Variants in HDAC3 observed in about 807,000 individuals in gnomAD.
HDAC3 encodes histone deacetylase 3.
In HDAC3, 21 loss-of-function variants were observed where a neutral mutation model predicts 62.3. That is an observed-to-expected ratio of 0.34 (90% CI 0.24 to 0.49). HDAC3 has a LOEUF of 0.49. Ranked by LOEUF, HDAC3 falls within the 20% of genes least tolerant of loss-of-function variation. The pLI is 0.99. For missense variants in HDAC3, 270 were observed against 556.9 expected (o/e 0.48, Z 5.19); for synonymous variants, 198 against 206.5 (o/e 0.96, Z 0.35).
intron 3 of HDAC3, among the ~76,000 whole-genome samples, chr5:141,632,862 A>G (rs2099905423): frequency 6.6e-6 from 1 of 152,166 alleles, no homozygotes; most frequent in Non-Finnish European, 1.5e-5. Flanking sequence ...AAAGGTGCCA[A>G]TGCCAGCCTA....
chr5:141,634,292 A>T (rs2099905662), intron 3 of HDAC3, among the ~76,000 whole-genome samples: 1 of 151,984 alleles, frequency 6.6e-6, no homozygotes, highest in Admixed American at 6.6e-5. Flanking sequence ...GCCTCAATTC[A>T]GTTCACCTCC....
rs538001058 is a variant in HDAC3, at chr5:141,636,831, G to A, written c.-41C>T. Reference sequence around the variant, plus strand: ...AGGCCCCGCACCTCCGCCGCCCGCCGCCCGCGGCCGCCGCCAGCCCCTCCC... The same window carrying A: ...AGGCCCCGCACCTCCGCCGCCCGCCACCCGCGGCCGCCGCCAGCCCCTCCC... On this transcript the variant is annotated 5_prime_UTR_variant, in exon 1 of 15. Transcript: ENST00000305264. The A allele has an allele frequency of 2.0e-4, 286 of 1,438,420 alleles. 6 individuals carry two copies. The South Asian group carries it at 4.2e-3, about 21-fold the overall frequency. 89.1% of individuals were successfully genotyped at this position (1,438,420 alleles called of 1,614,324 possible).
Position 141,629,631 on chromosome 5 carries a change from C to T in HDAC3, c.476+53G>A. On this transcript the variant is annotated intron_variant, in intron 6 of 14. Transcript: ENST00000305264. The surrounding 1 kb of genome is among the most constrained non-coding windows in gnomAD (Gnocchi z 5.3). ...CAAGGTCAGGGTTGAGACTGAGAGA[C>T]CTCCTCAGCCAAGAATCCCGTAACT... 1 of 1,556,196 alleles carries T rather than the reference C, an allele frequency of 6.4e-7. No homozygotes were observed. Among genetic ancestry groups the T allele is most frequent in the South Asian group, 1.1e-5 (1 of 89,856 alleles).
chr5:141,628,276 A>T lies in HDAC3; in HGVS notation c.692-89T>A, dbSNP rs1458909499. 1 of 1,118,280 alleles carries T rather than the reference A, an allele frequency of 8.9e-7. No individual in the cohort carries two copies. The highest frequency in any genetic ancestry group is 1.3e-6 in the Non-Finnish European group (1 of 743,388). The allele number at this position is 1,118,280 out of a possible 1,614,324, so 69.3% of individuals were successfully genotyped here. On this transcript the variant is annotated intron_variant, in intron 8 of 14. Transcript: ENST00000305264. This position sits in a 1 kb window ranked among gnomAD's most constrained non-coding sequence, Gnocchi z 4.7. ...GAAAAAGGGGGTTGAGCGAGCATGT[A>T]GCCCAGGAAAGGGGCCACCCAAAAG...
chr5:141,634,105 A>T (rs1272661381), intron 3 of HDAC3, among the ~76,000 whole-genome samples: 1 of 152,158 alleles, frequency 6.6e-6, no homozygotes, highest in African/African-American at 2.4e-5. Context: ...TACAAGCTCA[A>T]TGTAAACCTA....
At position 141,634,892 on chromosome 5, in the gene HDAC3, A is replaced by G. The variant is rs377766171; in HGVS notation, c.200T>C (p.Ile67Thr). Residue 67 changes from isoleucine to threonine, a missense_variant, in exon 3 of 15, where the codon ATT becomes ACT. Physicochemically the swap from Ile to Thr is moderately conservative, Grantham distance 89 (BLOSUM62 -1). This residue lies in a region of HDAC3 where 32 missense variants were observed against 37.4 expected (regional missense o/e 0.86). Coordinates refer to ENST00000305264, the MANE Select transcript of HDAC3 (RefSeq NM_003883.4). ...DMCRFHSEDY[I>T]DFLQRVSPTN... ...GGGGCTGACTCTCTGCAGGAAGTCA[A>G]TGTAGTCCTCGGAGTGGAAGCGGCA... 1.2e-6 allele frequency: 2 copies of G among 1,614,006 alleles called. No homozygotes were observed. Among genetic ancestry groups the G allele is most frequent in the African/African-American group, 1.3e-5 (1 of 74,916 alleles).
At position 141,636,843 on chromosome 5, in the gene HDAC3, C is replaced by A. The variant is rs1389040647; in HGVS notation, c.-53G>T. The A allele has an allele frequency of 3.6e-6, 5 of 1,381,640 alleles. No homozygotes were observed. The highest frequency in any genetic ancestry group is 6.9e-5 in the Admixed American group (2 of 28,938). 85.6% of individuals were successfully genotyped at this position (1,381,640 alleles called of 1,614,324 possible). ...TCCGCCGCCCGCCGCCCGCGGCCGC[C>A]GCCAGCCCCTCCCCGGCCGTGCGTG... On this transcript the variant is annotated 5_prime_UTR_variant, in exon 1 of 15. Transcript: ENST00000305264.
At chr5:141,627,553 CTTTT>C (rs955842573) in intron 10 of HDAC3, among the ~76,000 whole-genome samples, 3 of 152,136 alleles carry the variant, frequency 2.0e-5, no homozygotes, top group African/African-American at 4.8e-5. Context: ...TCTCAGCTTT[CTTTT>C]TTTCTTTCAC....
At chr5:141,630,672 C>T (rs537950128) in intron 3 of HDAC3, among the ~76,000 whole-genome samples, 45 of 152,108 alleles carry the variant, frequency 3.0e-4, no homozygotes, top group Non-Finnish European at 5.3e-4. Flanking sequence ...AGGCTTGAAG[C>T]CAGACACAAA....
At chr5:141,622,257 G>A (rs1393308058) in intron 14 of HDAC3, among the ~76,000 whole-genome samples, 4 of 152,194 alleles carry the variant, frequency 2.6e-5, no homozygotes, top group Non-Finnish European at 5.9e-5. Flanking sequence ...GAATGGATGT[G>A]AAAGCAAAAC....
At position 141,625,556 on chromosome 5, in the gene HDAC3, G is replaced by C. The variant is rs74726598; in HGVS notation, c.1059+129C>G. 9.0e-7 allele frequency: 1 copy of C among 1,113,860 alleles called. No individual in the cohort carries two copies. Among genetic ancestry groups the C allele is most frequent in the Non-Finnish European group, 1.3e-6 (1 of 743,430 alleles). 69.0% of individuals were successfully genotyped at this position (1,113,860 alleles called of 1,614,324 possible). A position where few individuals can be genotyped will look rare whatever the true frequency, so the allele number is the denominator to read the frequency against. On this transcript the variant is annotated intron_variant, in intron 13 of 14. Coordinates refer to ENST00000305264, the MANE Select transcript of HDAC3 (RefSeq NM_003883.4). This position sits in a 1 kb window ranked among gnomAD's most constrained non-coding sequence, Gnocchi z 4.0. Reference sequence around the variant, plus strand: ...CTACTTTAAACTGGACTGCCTCCTAGTCAATAACAGTGACTGTGATGGCTT... The same window carrying C: ...CTACTTTAAACTGGACTGCCTCCTACTCAATAACAGTGACTGTGATGGCTT...
chr5:141,621,908 T>A (rs990905035), intron 14 of HDAC3, among the ~76,000 whole-genome samples: 1 of 152,182 alleles, frequency 6.6e-6, no homozygotes, highest in Non-Finnish European at 1.5e-5. Context: ...AGGGTGAAAT[T>A]TCAGACAGGA....
rs2099904851 is a variant in HDAC3 at position 141,629,038 on chromosome 5, T to C, written c.610+135A>G. 1.3e-6 allele frequency: 1 copy of C among 798,026 alleles called. No individual in the cohort carries two copies. Among genetic ancestry groups the C allele is most frequent in the Non-Finnish European group, 2.0e-6 (1 of 496,998 alleles). 49.4% of individuals were successfully genotyped at this position (798,026 alleles called of 1,614,324 possible). On this transcript the variant is annotated intron_variant, in intron 7 of 14. Transcript: ENST00000305264. The surrounding 1 kb of genome is among the most constrained non-coding windows in gnomAD (Gnocchi z 5.3). ...AACAGAGGAATGGGGAAGGAGGTGA[T>C]TATGATAACTGGAGTGGTAAGGAAA... is the stretch of plus-strand genomic sequence containing the variant.
intron 3 of HDAC3, among the ~76,000 whole-genome samples, chr5:141,631,469 A>G (rs59308500): frequency 0.058 from 8,839 of 152,312 alleles, 726 homozygotes; most frequent in African/African-American, 0.19. Context: ...TGAATCTTTC[A>G]GAGTTATAAT....
Position 141,636,594 on chromosome 5 carries a change from A to C in HDAC3, c.92T>G (p.Leu31Trp), listed in dbSNP as rs2099906054. 4 of 1,613,982 alleles carry C rather than the reference A, an allele frequency of 2.5e-6. No homozygotes were observed. The highest frequency in any genetic ancestry group is 3.4e-6 in the Non-Finnish European group (4 of 1,179,982). Residue 31 changes from leucine to tryptophan, a missense_variant, in exon 2 of 15, where the codon TTG (leucine) becomes TGG (tryptophan). Around this residue, in one of 5 missense-constraint regions of HDAC3, gnomAD observed 16 missense variants for 50.1 expected, o/e 0.32. Transcript: ENST00000305264. ...GHPMKPHRLALTHSLVLHYGL... is the reference protein window; with the variant it reads ...GHPMKPHRLAWTHSLVLHYGL... Reference sequence around the variant, plus strand: ...GTAATGCAGGACCAGGCTATGGGTCAATGCCAGGCGATGGGGCTTCATAGG... The same window carrying C: ...GTAATGCAGGACCAGGCTATGGGTCCATGCCAGGCGATGGGGCTTCATAGG...
Position 141,621,502 on chromosome 5 carries a change from T to C in HDAC3, c.1253A>G (p.His418Arg), listed in dbSNP as rs1330533736. The change falls in exon 15 of 15, where the codon CAT (histidine) becomes CGT (arginine). Residue 418 changes from histidine (H) to arginine (R), a missense_variant. His to Arg is a conservative substitution (Grantham distance 29). This residue lies in a region of HDAC3 where 44 missense variants were observed against 64.3 expected (regional missense o/e 0.68). Transcript: ENST00000305264. The stretch of plus-strand genomic sequence containing the variant: ...CACATCGCTTTCCTTGTCATTGTCA[T>C]GGTCTCCATCATAGAACTCATTGGG... The part of the protein sequence containing the change: ...EAPNEFYDGD[H>R]DNDKESDVEI 1 of 1,614,086 alleles carries C rather than the reference T, an allele frequency of 6.2e-7. No homozygotes were observed. Among genetic ancestry groups the C allele is most frequent in the South Asian group, 1.1e-5 (1 of 91,082 alleles).
chr5:141,626,040 C>A lies in HDAC3; in HGVS notation c.952G>T (p.Ala318Ser), dbSNP rs2099904392. ...CTATAGGGAAGCTCCTCACTAATGG[C>A]CTCTTCTACCAGCAGCGATGTCTCA... is the stretch of plus-strand genomic sequence containing the variant. ...TYETSLLVEE[A>S]ISEELPYSEY... Residue 318 changes from alanine (A) to serine (S), a missense_variant, in exon 12 of 15, where the codon GCC (alanine) becomes TCC (serine). By Grantham distance (99) the Ala-to-Ser change is moderately conservative. Around this residue, in one of 5 missense-constraint regions of HDAC3, gnomAD observed 156 missense variants for 383.9 expected, o/e 0.41. Transcript: ENST00000305264. The surrounding 1 kb of genome is among the most constrained non-coding windows in gnomAD (Gnocchi z 4.6). 5.0e-6 allele frequency: 8 copies of A among 1,614,030 alleles called. No homozygotes were observed. Among genetic ancestry groups the A allele is most frequent in the Non-Finnish European group, 6.8e-6 (8 of 1,179,982 alleles).
At chr5:141,630,909 A>C (rs539816760) in intron 3 of HDAC3, among the ~76,000 whole-genome samples, 2 of 149,766 alleles carry the variant, frequency 1.3e-5, no homozygotes, top group Non-Finnish European at 3.0e-5. Flanking sequence ...CTGGTCTCAA[A>C]CTCCTGGGCC....
In HDAC3 at chr5:141,627,730, C is replaced by T. The variant is rs182444287; in HGVS notation, c.830+163G>A. Among the ~76,000 whole-genome samples, 8 of 152,270 alleles carry T rather than the reference C, an allele frequency of 5.3e-5. No individual in the cohort carries two copies. In the Middle Eastern group the frequency reaches 0.01, roughly 194 times the overall value. ...AAATATATCGTGAATGAATGACCAT[C>T]TAGGGAACCCTGTTCAAGATGACAT... On this transcript the variant is annotated intron_variant, in intron 10 of 14. Transcript: ENST00000305264.
Sources: gnomAD v4.1 joint callset for allele counts (sites outside exome capture counted in the v4.1 genomes callset) on GRCh38, gnomAD v4.1.1 for gene constraint, gnomAD v4.1.1 regional missense constraint, Gnocchi (gnomAD v3.1) non-coding constraint, MANE v1.5 for transcripts, NCBI Gene and HGNC (gene_info 2026-07-23, HGNC 2026-07-21) for gene names.